CDK13: variants seen among roughly 807,000 people sequenced by gnomAD.
CDK13 encodes cyclin-dependent kinase 13.
A neutral mutation model predicts 137.6 loss-of-function variants in CDK13; 40 were observed. That is an observed-to-expected ratio of 0.29 (90% CI 0.23 to 0.38). The LOEUF (loss-of-function observed/expected upper bound fraction) is 0.38. Ranked by LOEUF, CDK13 falls within the 10% of genes least tolerant of loss-of-function variation. CDK13 has a pLI of 1.00. For missense variants in CDK13, 1,704 were observed against 1,951.8 expected (o/e 0.87, Z 2.39); for synonymous variants, 869 against 760.1 (o/e 1.14, Z -2.36).
intron 1 of CDK13, among the ~76,000 whole-genome samples, chr7:39,976,781 G>A (rs1025292363): frequency 2.6e-5 from 4 of 151,866 alleles, no homozygotes; most frequent in Non-Finnish European, 5.9e-5. Context: ...GTGAATGTAG[G>A]GTCTCTCTCA....
chr7:40,033,048 C>T (rs1000578158), intron 5 of CDK13, among the ~76,000 whole-genome samples: 1 of 152,084 alleles, frequency 6.6e-6, no homozygotes, highest in Non-Finnish European at 1.5e-5. Flanking sequence ...CTTTTGATTT[C>T]TTTCATTAGA....
intron 1 of CDK13, among the ~76,000 whole-genome samples, chr7:39,955,202 T>G (rs2116096205): frequency 6.6e-6 from 1 of 152,240 alleles, no homozygotes. Context: ...TTGTAGTGTT[T>G]TACTGTGTGC....
At chr7:40,041,691 A>G (rs1785609240) in intron 5 of CDK13, among the ~76,000 whole-genome samples, 2 of 152,226 alleles carry the variant, frequency 1.3e-5, no homozygotes, top group Non-Finnish European at 2.9e-5. Context: ...AACAGCAGAG[A>G]TAGCGGTATG....
At chr7:39,989,122 A>G (rs1276427516) in intron 2 of CDK13, among the ~76,000 whole-genome samples, 4 of 148,932 alleles carry the variant, frequency 2.7e-5, no homozygotes, top group Non-Finnish European at 5.9e-5. Context: ...GAGAAAATTC[A>G]TAATGTGATT....
chr7:39,963,790 G>A (rs894888237), intron 1 of CDK13, among the ~76,000 whole-genome samples: 6 of 2,944 alleles, frequency 2.0e-3, no homozygotes, highest in East Asian at 0.1. Flanking sequence ...TTTGAGATAC[G>A]TCCATCAATA....
intron 1 of CDK13, among the ~76,000 whole-genome samples, chr7:39,961,302 G>A (rs985168059): frequency 2.0e-5 from 3 of 152,180 alleles, no homozygotes; most frequent in Admixed American, 6.5e-5. Context: ...AGAGGTTGCA[G>A]TGAGCCGAGA....
intron 1 of CDK13, among the ~76,000 whole-genome samples, chr7:39,981,414 C>T (rs1369075037): frequency 1.3e-5 from 2 of 151,840 alleles, no homozygotes; most frequent in Non-Finnish European, 1.5e-5. Flanking sequence ...GTTGGACCTG[C>T]TACCTACCTC....
intron 3 of CDK13, chr7:39,997,974 G>C (rs1002968634): frequency 4.4e-6 from 1 of 226,840 alleles, no homozygotes. Context: ...ATTGGGCAGA[G>C]TAGAAGTCAG....
chr7:39,965,147 G>A (rs139983582), intron 1 of CDK13, among the ~76,000 whole-genome samples: 146 of 152,244 alleles, frequency 9.6e-4, no homozygotes, highest in African/African-American at 3.4e-3. Context: ...GGTTAGCTTG[G>A]TGCAGAGCTG....
chr7:40,028,320 G>A (rs1337109426), intron 5 of CDK13, among the ~76,000 whole-genome samples: 2 of 150,338 alleles, frequency 1.3e-5, no homozygotes, highest in African/African-American at 2.5e-5. Context: ...CCAGGTTCAC[G>A]TCATTCTGCT....
intron 5 of CDK13, among the ~76,000 whole-genome samples, chr7:40,043,979 C>T (rs1027542106): frequency 2.0e-5 from 3 of 150,142 alleles, no homozygotes; most frequent in African/African-American, 7.3e-5. Context: ...TCACTGCAAC[C>T]TCCACCTCCC....
intron 9 of CDK13, among the ~76,000 whole-genome samples, chr7:40,065,749 A>G (rs1490458769): frequency 6.6e-6 from 1 of 152,248 alleles, no homozygotes. Context: ...CAAAAGCAGC[A>G]AAATAAACCC....
intron 3 of CDK13, 159 bp from the exon 4 acceptor site, chr7:39,999,202 C>A: frequency 4.1e-6 from 2 of 484,560 alleles, no homozygotes; most frequent in South Asian, 5.1e-5. Context: ...CTTACAATAC[C>A]AAATCAGTGT....
intron 1 of CDK13, among the ~76,000 whole-genome samples, chr7:39,953,640 G>C (rs994418604): frequency 6.6e-6 from 1 of 152,132 alleles, no homozygotes; most frequent in Admixed American, 6.5e-5. Context: ...TTGGGATGTA[G>C]CAGGAAAGAA....
At chr7:39,976,755 CTAAAA>C (rs1443452230) in intron 1 of CDK13, among the ~76,000 whole-genome samples, 1 of 152,038 alleles carries the variant, frequency 6.6e-6, no homozygotes. Flanking sequence ...TAACAATACC[CTAAAA>C]TAAAAGTTAT....
chr7:39,982,684 C>A (rs1243152382), intron 1 of CDK13, among the ~76,000 whole-genome samples: 1 of 152,168 alleles, frequency 6.6e-6, no homozygotes, highest in Non-Finnish European at 1.5e-5. Context: ...CCTGTTGTTT[C>A]CTGACTTTTC....
rs557972148 is a variant in CDK13 at position 39,982,934 on chromosome 7, A to T, written c.1212-4665A>T. 2.2e-3 allele frequency among the ~76,000 whole-genome samples: 335 copies of T among 152,246 alleles called. 1 individual carries two copies. Among genetic ancestry groups the T allele is most frequent in the African/African-American group, 7.7e-3 (318 of 41,540 alleles). ...GGTATTAGCCCTTTGTCAGATGAGTAGGTTGTGAAAATTTTCTCCCATGTT... is the reference window on the plus strand; with the variant it reads ...GGTATTAGCCCTTTGTCAGATGAGTTGGTTGTGAAAATTTTCTCCCATGTT... On this transcript the variant is annotated intron_variant, in intron 1 of 13. Coordinates refer to ENST00000181839, the MANE Select transcript of CDK13 (RefSeq NM_003718.5).
intron 11 of CDK13, among the ~76,000 whole-genome samples, chr7:40,087,343 A>G (rs894063517): frequency 5.3e-5 from 8 of 151,932 alleles, no homozygotes; most frequent in African/African-American, 4.8e-5. Flanking sequence ...GGGTTTTGCC[A>G]TGTTGCCCAG....
chr7:40,032,429 T>A (rs1207844523), intron 5 of CDK13, among the ~76,000 whole-genome samples: 1 of 152,212 alleles, frequency 6.6e-6, no homozygotes, highest in African/African-American at 2.4e-5. Flanking sequence ...TCTTTTCACA[T>A]ATTGTGATTT....
Sources: gnomAD v4.1 joint callset for allele counts (sites outside exome capture counted in the v4.1 genomes callset) on GRCh38, gnomAD v4.1.1 for gene constraint, MANE v1.5 for transcripts, NCBI Gene and HGNC (gene_info 2026-07-23, HGNC 2026-07-21) for gene names.